CSRNP3: variants seen among roughly 807,000 people sequenced by gnomAD.
CSRNP3 encodes cysteine and serine rich nuclear protein 3.
In CSRNP3, 12 loss-of-function variants were observed where a neutral mutation model predicts 48.0. The observed-to-expected ratio is 0.25, with a 90% CI of 0.16 to 0.41. The LOEUF is 0.41. Ranked by LOEUF, CSRNP3 falls within the 10% of genes least tolerant of loss-of-function variation. The pLI is 1.00. For synonymous variants in CSRNP3, 263 were observed against 269.7 expected, an observed-to-expected ratio of 0.98 and a Z score of 0.24; for missense variants, 580 against 724.4, an observed-to-expected ratio of 0.80 and a Z score of 2.29.
chr2:165,635,058 C>T (rs566582424), intron 4 of CSRNP3, among the ~76,000 whole-genome samples: 5 of 152,300 alleles, frequency 3.3e-5, no homozygotes, highest in East Asian at 3.9e-4. Flanking sequence ...CCTGGAGCTC[C>T]GGGCTTGGTG....
intron 4 of CSRNP3, among the ~76,000 whole-genome samples, chr2:165,607,144 T>C (rs547961616): frequency 1.3e-5 from 2 of 152,286 alleles, no homozygotes; most frequent in African/African-American, 4.8e-5. Context: ...TTACCACGCC[T>C]TCGTGCCATT....
intron 4 of CSRNP3, among the ~76,000 whole-genome samples, chr2:165,621,052 T>C (rs900495474): frequency 1.3e-5 from 2 of 152,140 alleles, no homozygotes; most frequent in Non-Finnish European, 2.9e-5. Context: ...GCCTCTCTTA[T>C]CTTATTTAAT....
chr2:165,584,301 C>T (rs1050443980), intron 3 of CSRNP3, among the ~76,000 whole-genome samples: 3 of 152,152 alleles, frequency 2.0e-5, no homozygotes, highest in Admixed American at 1.3e-4. Flanking sequence ...GTCCCAGCCT[C>T]ATTTTTCTAG....
chr2:165,601,245 A>G (rs1447026853), intron 4 of CSRNP3, among the ~76,000 whole-genome samples: 1 of 152,196 alleles, frequency 6.6e-6, no homozygotes, highest in East Asian at 1.9e-4. Context: ...CAGAGAAACT[A>G]GAGAGGAATG....
At chr2:165,656,259 AGG>A (rs2105345832) in intron 4 of CSRNP3, among the ~76,000 whole-genome samples, 1 of 152,320 alleles carries the variant, frequency 6.6e-6, no homozygotes, top group South Asian at 2.1e-4. Context: ...TGTAAAATGA[AGG>A]GGCTGAACCA....
At chr2:165,514,735 C>T (rs986707793) in intron 2 of CSRNP3, among the ~76,000 whole-genome samples, 1 of 152,140 alleles carries the variant, frequency 6.6e-6, no homozygotes, top group African/African-American at 2.4e-5. Flanking sequence ...CCTCCTGCTC[C>T]TCCTCCTCCT....
rs1020832297 is a variant in CSRNP3, at chr2:165,496,845, T to A, written c.-113+1917T>A. On this transcript the variant is annotated intron_variant, in intron 2 of 6. Transcript: ENST00000651982. ...TAGGTGTCTATGACTTTCCTAAAGT[T>A]ACAAATTGGCTCTCTCCTGGAAAAA... Among the ~76,000 whole-genome samples the A allele has an allele frequency of 9.9e-5, 15 of 152,016 alleles. No homozygotes were observed. In the South Asian group the frequency reaches 2.1e-3, roughly 21 times the overall value.
chr2:165,479,185 C>A (rs1418962985), intron 1 of CSRNP3, among the ~76,000 whole-genome samples: 1 of 151,682 alleles, frequency 6.6e-6, no homozygotes, highest in Non-Finnish European at 1.5e-5. Context: ...GTATATTTTA[C>A]CAGGAAAAGG....
intron 3 of CSRNP3, among the ~76,000 whole-genome samples, chr2:165,543,334 A>G (rs192710184): frequency 7.8e-4 from 118 of 152,254 alleles, no homozygotes; most frequent in Middle Eastern, 3.4e-3. Flanking sequence ...ATGGCATGCA[A>G]ATTAAAAATA....
At chr2:165,487,733 A>G (rs1018338880) in intron 1 of CSRNP3, among the ~76,000 whole-genome samples, 1 of 150,098 alleles carries the variant, frequency 6.7e-6, no homozygotes, top group African/African-American at 2.5e-5. Flanking sequence ...TACTTTACAG[A>G]CAAGCAAATG....
At chr2:165,549,838 T>C (rs1685075729) in intron 3 of CSRNP3, among the ~76,000 whole-genome samples, 1 of 152,162 alleles carries the variant, frequency 6.6e-6, no homozygotes, top group Non-Finnish European at 1.5e-5. Flanking sequence ...CAATGTGTCC[T>C]TTCACATTTG....
chr2:165,625,360 C>G (rs533975156), intron 4 of CSRNP3, among the ~76,000 whole-genome samples: 1 of 151,870 alleles, frequency 6.6e-6, no homozygotes, highest in Non-Finnish European at 1.5e-5. Context: ...GGCACGGTGG[C>G]TCATGCCTGT....
intron 2 of CSRNP3, among the ~76,000 whole-genome samples, chr2:165,511,368 AT>A (rs1405189131): frequency 1.3e-5 from 2 of 152,310 alleles, no homozygotes; most frequent in Admixed American, 1.3e-4. Context: ...ATTATAACAT[AT>A]TTGCATACAA....
At chr2:165,548,731 A>G (rs565010301) in intron 3 of CSRNP3, among the ~76,000 whole-genome samples, 1 of 152,036 alleles carries the variant, frequency 6.6e-6, no homozygotes, top group Non-Finnish European at 1.5e-5. Context: ...CCTAAAATCT[A>G]CCAGGAACCA....
At chr2:165,619,492 A>G (rs1409100809) in intron 4 of CSRNP3, among the ~76,000 whole-genome samples, 34 of 152,134 alleles carry the variant, frequency 2.2e-4, no homozygotes, top group Non-Finnish European at 5.9e-5. Context: ...TTCATGCCCT[A>G]TCGTACCTCA....
chr2:165,639,137 C>T (rs929811622), intron 4 of CSRNP3, among the ~76,000 whole-genome samples: 1 of 152,150 alleles, frequency 6.6e-6, no homozygotes, highest in African/African-American at 2.4e-5. Context: ...CTATATGACA[C>T]ATCGCTGCTT....
intron 2 of CSRNP3, among the ~76,000 whole-genome samples, chr2:165,498,617 A>G (rs1444837957): frequency 1.3e-5 from 2 of 152,146 alleles, no homozygotes; most frequent in African/African-American, 2.4e-5. Flanking sequence ...TTTAAACTCA[A>G]AAGCACAATT....
intron 3 of CSRNP3, among the ~76,000 whole-genome samples, chr2:165,560,073 A>G (rs1171012313): frequency 6.6e-6 from 1 of 152,130 alleles, no homozygotes; most frequent in African/African-American, 2.4e-5. Context: ...TGTTGGGATT[A>G]CAGACGTGAG....
intron 4 of CSRNP3, among the ~76,000 whole-genome samples, chr2:165,598,812 G>T (rs1050655256): frequency 6.6e-6 from 1 of 152,102 alleles, no homozygotes; most frequent in African/African-American, 2.4e-5. Context: ...TTCAAGAAAA[G>T]ATTTAATAAA....
Sources: allele counts gnomAD v4.1 joint callset (sites outside exome capture counted in the v4.1 genomes callset), GRCh38; gene constraint gnomAD v4.1.1; transcripts MANE v1.5; gene names NCBI Gene and HGNC (gene_info 2026-07-23, HGNC 2026-07-21).